BAHCC1: variants seen among roughly 807,000 people sequenced by gnomAD.
BAHCC1 encodes BAH and coiled-coil domain-containing protein 1.
Under a neutral mutation model 88.2 loss-of-function variants are expected in BAHCC1, and 43 were observed. That is an observed-to-expected ratio of 0.49 (90% CI 0.38 to 0.63). The LOEUF is 0.63. Ranked by LOEUF, BAHCC1 falls within the 20% of genes least tolerant of loss-of-function variation. The pLI is 0.00. For missense variants in BAHCC1, 3,023 were observed against 1,654.8 expected (o/e 1.83, Z -14.34); for synonymous variants, 1,510 against 745.5 (o/e 2.03, Z -16.71).
At chr17:81,397,129 G>A (rs782091370) in intron 1 of BAHCC1, 2 of 151,962 alleles carry the variant, frequency 1.3e-5, no homozygotes, top group African/African-American at 2.4e-5. Flanking sequence ...CAGACGCGGA[G>A]GCGCGGCGCG....
At chr17:81,463,373 A>G (rs1405670991) in intron 27 of BAHCC1, among the ~76,000 whole-genome samples, 1 of 152,188 alleles carries the variant, frequency 6.6e-6, no homozygotes, top group Non-Finnish European at 1.5e-5. Context: ...TTTCAGGGAA[A>G]TTAGTATTTC....
intron 2 of BAHCC1, among the ~76,000 whole-genome samples, chr17:81,426,082 T>TA (rs2064192702): frequency 6.7e-5 from 10 of 148,680 alleles, no homozygotes; most frequent in South Asian, 2.2e-4. Flanking sequence ...TTGGTGGTGA[T>TA]GTGGTTGGTG....
At position 81,399,871 on chromosome 17, in the gene BAHCC1, G is replaced by A. The variant is rs1555645740; in HGVS notation, c.132G>A (p.Gln44=). Residue 44 remains glutamine, a synonymous_variant, in exon 2 of 28, where the codon CAG becomes CAA. Coordinates refer to ENST00000675386, the MANE Select transcript of BAHCC1 (RefSeq NM_001377448.1). The surrounding 1 kb of genome is among the most constrained non-coding windows in gnomAD (Gnocchi z 4.5). ...GPAAQPPAHF[Q]PGKYFPSPLP... ...CCGCGCAGCCCCCCGCACACTTCCA[G>A]CCGGGAAAGTACTTCCCGTCGCCGT... 3 of 1,450,890 alleles carry A rather than the reference G, an allele frequency of 2.1e-6. No homozygotes were observed. The highest frequency in any genetic ancestry group is 1.5e-5 in the African/African-American group (1 of 67,358). 89.9% of individuals were successfully genotyped at this position (1,450,890 alleles called of 1,614,324 possible).
rs200568819 is a variant in BAHCC1, at chr17:81,444,812, C to T, written c.2657C>T (p.Ala886Val). 2.6e-4 allele frequency: 202 copies of T among 776,170 alleles called. No individual in the cohort carries two copies. The highest frequency in any genetic ancestry group is 4.4e-4 in the Non-Finnish European group (184 of 416,658). 48.1% of individuals were successfully genotyped at this position (776,170 alleles called of 1,614,324 possible). The change falls in exon 8 of 28, where the codon GCC (alanine) becomes GTC (valine). Residue 886 changes from alanine (A) to valine (V), a missense_variant. Ala to Val is a moderately conservative substitution (Grantham distance 64). Transcript: ENST00000675386. The stretch of plus-strand genomic sequence containing the variant: ...CCCTCAGAGCCCACACCCCACAGCG[C>T]CCCCCACGCACTTGGTAAGGGCCCC... ...ILPSEPTPHS[A>V]PHALADVMDQ...
At chr17:81,437,934 G>A (rs1309244245) in intron 3 of BAHCC1, among the ~76,000 whole-genome samples, 2 of 152,210 alleles carry the variant, frequency 1.3e-5, no homozygotes, top group African/African-American at 4.8e-5. Context: ...GGCCTGGGCT[G>A]TCCACTGGGC....
intron 2 of BAHCC1, among the ~76,000 whole-genome samples, chr17:81,420,350 T>TA (rs2064101740): frequency 6.6e-6 from 1 of 152,182 alleles, no homozygotes; most frequent in Non-Finnish European, 1.5e-5. Context: ...ACAGCACCCC[T>TA]GGGCCGGGGC....
At chr17:81,403,481 CAAAAAAA>C (rs61540149) in intron 2 of BAHCC1, among the ~76,000 whole-genome samples, 7 of 141,826 alleles carry the variant, frequency 4.9e-5, no homozygotes, top group Non-Finnish European at 7.6e-5. Context: ...CCGCCAATCT[CAAAAAAA>C]AAAAAAGAAA....
At chr17:81,406,225 C>G (rs781941756) in intron 2 of BAHCC1, among the ~76,000 whole-genome samples, 1 of 152,240 alleles carries the variant, frequency 6.6e-6, no homozygotes, top group Non-Finnish European at 1.5e-5. Context: ...GTCCGAAACC[C>G]TTGGCTCCTG....
At position 81,445,815 on chromosome 17, in the gene BAHCC1, G is replaced by A. The variant is rs990349151; in HGVS notation, c.3163+134G>A. ...TGCCCAGACCCAGGGCAGCATGGCT[G>A]TTCCCTTCCTCTCTCTTCCCTCTTC... On this transcript the variant is annotated intron_variant, in intron 10 of 27. Transcript: ENST00000675386. 3.8e-5 allele frequency: 23 copies of A among 609,108 alleles called. No homozygotes were observed. In the South Asian group the frequency reaches 4.3e-4, roughly 11 times the overall value. 37.7% of individuals were successfully genotyped at this position (609,108 alleles called of 1,614,324 possible).
intron 3 of BAHCC1, among the ~76,000 whole-genome samples, chr17:81,437,653 C>T (rs1388857099): frequency 6.6e-6 from 1 of 152,210 alleles, no homozygotes; most frequent in Non-Finnish European, 1.5e-5. Flanking sequence ...TGGGCAGGGG[C>T]AGGCCGCTCA....
intron 2 of BAHCC1, among the ~76,000 whole-genome samples, chr17:81,415,283 T>C (rs2064005747): frequency 1.3e-5 from 2 of 152,224 alleles, no homozygotes; most frequent in African/African-American, 2.4e-5. Context: ...ACAGGTGTGC[T>C]CAGCCTCTTG....
intron 6 of BAHCC1, 176 bp downstream of exon 6, chr17:81,444,093 G>A: frequency 1.6e-6 from 1 of 607,942 alleles, no homozygotes; most frequent in East Asian, 2.7e-5. Context: ...CCCGGGGTTG[G>A]GGGTCTCAGT....
At chr17:81,422,994 T>A (rs2064132959) in intron 2 of BAHCC1, among the ~76,000 whole-genome samples, 2 of 152,128 alleles carry the variant, frequency 1.3e-5, no homozygotes, top group Admixed American at 6.5e-5. Context: ...GTCCCCTCCC[T>A]GGCTGCCGGG....
intron 2 of BAHCC1, among the ~76,000 whole-genome samples, chr17:81,406,104 A>G (rs2143219770): frequency 1.3e-5 from 2 of 152,290 alleles, no homozygotes; most frequent in East Asian, 3.9e-4. Flanking sequence ...TGCCTTCTTA[A>G]TGGGTTCATC....
At position 81,399,932 on chromosome 17, in the gene BAHCC1, G is replaced by T; in HGVS notation, c.178+15G>T. On this transcript the variant is annotated intron_variant, in intron 2 of 27. Coordinates refer to ENST00000675386, the MANE Select transcript of BAHCC1 (RefSeq NM_001377448.1). This position sits in a 1 kb window ranked among gnomAD's most constrained non-coding sequence, Gnocchi z 4.5. The stretch of plus-strand genomic sequence containing the variant: ...TTCGCACACAGGTCAGTGCTCGGCC[G>T]GGGCGGGCGCGGGACGGGAGCGTTC... 7.4e-7 allele frequency: 1 copy of T among 1,350,222 alleles called. No individual in the cohort carries two copies. The highest frequency in any genetic ancestry group is 1.8e-5 in the South Asian group (1 of 55,364). The allele number at this position is 1,350,222 out of a possible 1,614,324, so 83.6% of individuals were successfully genotyped here. A position where few individuals can be genotyped will look rare whatever the true frequency, so the allele number is the denominator to read the frequency against.
At position 81,451,953 on chromosome 17, in the gene BAHCC1, C is replaced by T. The variant is rs1555655913; in HGVS notation, c.4180-18C>T. The T allele has an allele frequency of 1.6e-6, 1 of 613,116 alleles. No homozygotes were observed. Among genetic ancestry groups the T allele is most frequent in the Non-Finnish European group, 2.9e-6 (1 of 342,512 alleles). The allele number at this position is 613,116 out of a possible 1,614,324, so 38.0% of individuals were successfully genotyped here. The stretch of plus-strand genomic sequence containing the variant: ...GGGCCCTGGCCCGGCTCACAGGCCC[C>T]TGTGCCCCCCCCACCAGGTGTGCCC... On this transcript the variant is annotated intron_variant, in intron 12 of 27. Coordinates refer to ENST00000675386, the MANE Select transcript of BAHCC1 (RefSeq NM_001377448.1).
At chr17:81,452,597 A>G (rs1315759850) in intron 13 of BAHCC1, 126 bp from the exon 14 acceptor site, 1 of 546,454 alleles carries the variant, frequency 1.8e-6, no homozygotes, top group African/African-American at 2.0e-5. Context: ...CAGGCTCCCC[A>G]GGCCGAGTCT....
At chr17:81,460,841 GA>G (rs1393474809) in intron 25 of BAHCC1, 24 bp from the exon 26 acceptor site, 1 of 766,618 alleles carries the variant, frequency 1.3e-6, no homozygotes. Flanking sequence ...AGCTGGGGCT[GA>G]CTCTGCTGGG....
At chr17:81,426,726 G>T in intron 2 of BAHCC1, 74 bp from the exon 3 acceptor site, 1 of 398,366 alleles carries the variant, frequency 2.5e-6, no homozygotes, top group Non-Finnish European at 4.4e-6. Context: ...GAAGGGCTGT[G>T]GTGTTGCCCC....
Sources: gnomAD v4.1 joint callset for allele counts (sites outside exome capture counted in the v4.1 genomes callset) on GRCh38, gnomAD v4.1.1 for gene constraint, Gnocchi (gnomAD v3.1) non-coding constraint, MANE v1.5 for transcripts, NCBI Gene and HGNC (gene_info 2026-07-23, HGNC 2026-07-21) for gene names.